The following MYO3A variants were observed in gnomAD, a reference collection of about 807,000 sequenced individuals.
MYO3A encodes myosin IIIA.
MYO3A carries 180 observed loss-of-function variants against 192.7 expected under a neutral mutation model. That is an observed-to-expected ratio of 0.93 (90% CI 0.83 to 1.06). The LOEUF (loss-of-function observed/expected upper bound fraction) is 1.06. Among genes scored for constraint, MYO3A ranks in the 50% least tolerant of loss-of-function variants. The probability of loss-of-function intolerance (pLI) is 0.00; values close to 1 mark genes in which losing one functional copy is unlikely to be tolerated. For missense variants in MYO3A, 1,896 were observed against 1,905.0 expected (o/e 1.00, Z 0.09); for synonymous variants, 628 against 645.3 (o/e 0.97, Z 0.41).
intron 17 of MYO3A, among the ~76,000 whole-genome samples, chr10:26,114,475 C>T (rs1032025560): frequency 1.3e-5 from 2 of 152,088 alleles, no homozygotes; most frequent in Non-Finnish European, 2.9e-5. Flanking sequence ...AGTTAATTGG[C>T]TTTTGGAAAA....
chr10:25,955,141 G>A, intron 4 of MYO3A, 133 bp downstream of exon 4: 1 of 1,324,866 alleles, frequency 7.5e-7, no homozygotes, highest in East Asian at 2.4e-5. Context: ...TGAATGTTGT[G>A]CCTAGTTTTG....
chr10:25,983,290 C>CT lies in MYO3A; in HGVS notation c.304-13199dup, dbSNP rs986155986. 1.5e-4 allele frequency among the ~76,000 whole-genome samples: 23 copies of CT among 151,476 alleles called. 1 individual carries two copies. The highest frequency in any genetic ancestry group is 5.6e-4 in the African/African-American group (23 of 41,248). On this transcript the variant is annotated intron_variant, in intron 4 of 34. Transcript: ENST00000642920. ...TTTTTTTTTGAGACAAATTCCCACTCTGTCACCCAGGCTGGAGTGCAGTGG... is the reference window on the plus strand; with the variant it reads ...TTTTTTTTTGAGACAAATTCCCACTCTTGTCACCCAGGCTGGAGTGCAGTGG...
chr10:26,171,714 T>C (rs565506756), intron 29 of MYO3A, among the ~76,000 whole-genome samples: 1 of 152,182 alleles, frequency 6.6e-6, no homozygotes, highest in Admixed American at 6.5e-5. Context: ...ATCACAGGCC[T>C]GCCTCAGGAG....
intron 10 of MYO3A, among the ~76,000 whole-genome samples, chr10:26,055,213 C>T (rs143447457): frequency 3.6e-4 from 55 of 152,316 alleles, no homozygotes; most frequent in African/African-American, 1.1e-3. Flanking sequence ...TCTTCACTAG[C>T]TCTTGTTTGT....
At chr10:25,979,870 G>A (rs893016418) in intron 4 of MYO3A, among the ~76,000 whole-genome samples, 1 of 152,138 alleles carries the variant, frequency 6.6e-6, no homozygotes, top group Non-Finnish European at 1.5e-5. Flanking sequence ...AGCCTTGACA[G>A]TAAAACATAT....
chr10:26,147,549 G>C lies in MYO3A; in HGVS notation c.2625G>C (p.Leu875=), dbSNP rs371741845. Reference sequence around the variant, plus strand: ...TTAGGCAACTAGTCAACCACCCTCTGACCAAAACAGGTAAGACAATTTTCC... The same window carrying C: ...TTAGGCAACTAGTCAACCACCCTCTCACCAAAACAGGTAAGACAATTTTCC... ...SVIRQLVNHP[L]TKTGNLPHSK... is the part of the protein sequence containing the mutation. The change falls in exon 23 of 35, where the codon CTG becomes CTC. Residue 875 remains leucine, a synonymous_variant. Transcript: ENST00000642920. 3.1e-4 allele frequency: 494 copies of C among 1,613,944 alleles called. 7 individuals carry two copies. In the South Asian group the frequency reaches 5.2e-3, roughly 17 times the overall value.
rs1324698893 is a variant in MYO3A, at chr10:26,153,946, T to A, written c.2715+17T>A. On this transcript the variant is annotated intron_variant, in intron 24 of 34. Transcript: ENST00000642920. ...CTGGCAAAGGTAAGAAAATGCTTTT[T>A]TTCTTGGCAGTGAGTCTAAGAATCT... is the stretch of plus-strand genomic sequence containing the variant. 1 of 1,536,988 alleles carries A rather than the reference T, an allele frequency of 6.5e-7. No individual in the cohort carries two copies. The highest frequency in any genetic ancestry group is 1.7e-5 in the Admixed American group (1 of 59,774).
chr10:25,984,687 A>C (rs78603944), intron 4 of MYO3A, among the ~76,000 whole-genome samples: 14,573 of 152,136 alleles, frequency 0.096, 1,242 homozygotes, highest in African/African-American at 0.22. Flanking sequence ...TGGTGTTCCT[A>C]CAGTCATCAA....
chr10:25,949,477 C>T (rs1837065524), intron 2 of MYO3A, among the ~76,000 whole-genome samples: 1 of 152,026 alleles, frequency 6.6e-6, no homozygotes, highest in Non-Finnish European at 1.5e-5. Flanking sequence ...TGCTTATTTG[C>T]ATGACTCAAG....
chr10:26,031,466 GC>G (rs1474704516), intron 10 of MYO3A, among the ~76,000 whole-genome samples: 2 of 152,132 alleles, frequency 1.3e-5, no homozygotes, highest in Non-Finnish European at 2.9e-5. Context: ...CCATCTGATC[GC>G]CCACGTGTAG....
intron 4 of MYO3A, among the ~76,000 whole-genome samples, chr10:25,965,114 A>G (rs1838177843): frequency 1.3e-5 from 2 of 152,142 alleles, no homozygotes; most frequent in Admixed American, 1.3e-4. Context: ...GTGTTCTACA[A>G]CCTTCTTGCA....
chr10:26,160,840 A>G (rs944645437), intron 26 of MYO3A, among the ~76,000 whole-genome samples: 5 of 152,150 alleles, frequency 3.3e-5, no homozygotes, highest in Admixed American at 6.6e-5. Context: ...TGAAAAAACA[A>G]TTGTGTTAAA....
At chr10:26,143,375 A>G in intron 20 of MYO3A, 73 bp from the exon 21 acceptor site, 1 of 1,439,926 alleles carries the variant, frequency 6.9e-7, no homozygotes, top group Non-Finnish European at 9.7e-7. Context: ...AATATATGCA[A>G]AGTAAAATTT....
intron 10 of MYO3A, among the ~76,000 whole-genome samples, chr10:26,055,283 G>A (rs940730674): frequency 3.3e-5 from 5 of 152,094 alleles, no homozygotes; most frequent in Admixed American, 3.3e-4. Flanking sequence ...TTCTGCTCCA[G>A]CATTTAAGGA....
intron 6 of MYO3A, among the ~76,000 whole-genome samples, chr10:26,012,794 GC>G (rs1157625970): frequency 2.6e-5 from 4 of 151,730 alleles, no homozygotes; most frequent in African/African-American, 9.7e-5. Flanking sequence ...GCAATCCTAA[GC>G]AAAAAACAAA....
intron 6 of MYO3A, among the ~76,000 whole-genome samples, chr10:26,012,345 A>C (rs974650506): frequency 9.2e-5 from 14 of 152,106 alleles, no homozygotes; most frequent in African/African-American, 3.4e-4. Context: ...GAAAATCCTA[A>C]AGACTCCTCC....
intron 4 of MYO3A, among the ~76,000 whole-genome samples, chr10:25,967,515 A>C (rs1368726377): frequency 1.3e-5 from 2 of 152,188 alleles, no homozygotes; most frequent in African/African-American, 4.8e-5. Context: ...AAGACAGCAA[A>C]ATCTACAATT....
rs371876274 is a variant in MYO3A, at chr10:26,193,249, C to T, written c.4483C>T (p.Arg1495Ter). Residue 1495 changes from arginine to a stop codon, truncating the protein, a stop_gained, in exon 32 of 35, where the codon CGA (arginine) becomes TGA (stop). Coordinates refer to ENST00000642920, the MANE Select transcript of MYO3A (RefSeq NM_017433.5). LOFTEE classifies it high-confidence loss of function. Reference protein sequence around the residue: ...EEPKILRPPRRPRKPKTLNNP... With the variant: ...EEPKILRPPR ...GCCAAAAATATTGAGACCCCCAAGA[C>T]GACCCCGGAAACCCAAAACATTAAA... 66 of 1,613,942 alleles carry T rather than the reference C, an allele frequency of 4.1e-5. No homozygotes were observed. The highest frequency in any genetic ancestry group is 4.1e-4 in the South Asian group (37 of 91,042).
chr10:25,988,359 GAAATTTAAAAA>G (rs1173841383), intron 4 of MYO3A, among the ~76,000 whole-genome samples: 2 of 148,050 alleles, frequency 1.4e-5, no homozygotes, highest in Non-Finnish European at 3.0e-5. Flanking sequence ...AAAACCTATT[GAAATTTAAAAA>G]AAATTTAAAT....
Sources: allele counts gnomAD v4.1 joint callset (sites outside exome capture counted in the v4.1 genomes callset), GRCh38; gene constraint gnomAD v4.1.1; transcripts MANE v1.5; gene names NCBI Gene and HGNC (gene_info 2026-07-23, HGNC 2026-07-21).